Variants in ZNF827 observed in about 807,000 individuals in gnomAD.
ZNF827 encodes zinc finger protein 827.
In ZNF827, 13 loss-of-function variants were observed where a neutral mutation model predicts 102.4. The observed-to-expected ratio is 0.13, with a 90% CI of 0.08 to 0.20. ZNF827 has a LOEUF of 0.20. Among genes scored for constraint, ZNF827 ranks in the 10% least tolerant of loss-of-function variants. The pLI is 1.00. For synonymous variants in ZNF827, 523 were observed against 536.2 expected (o/e 0.98, Z 0.34); for missense variants, 1,103 against 1,344.4 (o/e 0.82, Z 2.81).
intron 5 of ZNF827, among the ~76,000 whole-genome samples, chr4:145,853,974 T>C (rs1178267091): frequency 6.7e-6 from 1 of 149,814 alleles, no homozygotes; most frequent in Non-Finnish European, 1.5e-5. Context: ...AAGTCTCAAT[T>C]AAAAAAAAAT....
At chr4:145,770,665 G>C (rs1223689641) in intron 11 of ZNF827, among the ~76,000 whole-genome samples, 1 of 151,828 alleles carries the variant, frequency 6.6e-6, no homozygotes, top group Non-Finnish European at 1.5e-5. Context: ...TACAGAGTTG[G>C]CTCTCAAAAA....
At chr4:145,914,391 A>AT (rs1415553513) in intron 1 of ZNF827, among the ~76,000 whole-genome samples, 3 of 152,152 alleles carry the variant, frequency 2.0e-5, no homozygotes, top group Admixed American at 2.0e-4. Flanking sequence ...GTATGAGAAT[A>AT]TTTTTTATCA....
chr4:145,815,789 A>G (rs1742543632), intron 8 of ZNF827, among the ~76,000 whole-genome samples: 1 of 152,212 alleles, frequency 6.6e-6, no homozygotes, highest in Admixed American at 6.5e-5. Flanking sequence ...ACTCTCCATC[A>G]TCCATTACAC....
chr4:145,761,367 G>A lies in ZNF827; in HGVS notation c.*249C>T, dbSNP rs1302652089. On this transcript the variant is annotated 3_prime_UTR_variant, in exon 15 of 15. Transcript: ENST00000508784. The surrounding 1 kb of genome is among the most constrained non-coding windows in gnomAD (Gnocchi z 6.8). ...GGTCACAGTGGAAGGGCCGCTCCCC[G>A]GTGTGGACGCGCACGTGCTCGATGA... 1.3e-5 allele frequency: 17 copies of A among 1,289,830 alleles called. No individual in the cohort carries two copies. Among genetic ancestry groups the A allele is most frequent in the South Asian group, 7.4e-5 (6 of 81,056 alleles). 79.9% of individuals were successfully genotyped at this position (1,289,830 alleles called of 1,614,324 possible). A position where few individuals can be genotyped will look rare whatever the true frequency, so the allele number is the denominator to read the frequency against.
rs116015291 is a variant in ZNF827 at position 145,847,688 on chromosome 4, G to A, written c.2221+1634C>T. On this transcript the variant is annotated intron_variant, in intron 6 of 14. Transcript: ENST00000508784. ...TCAAATGTGAGGACCCTACACTGAC[G>A]GTCACAGCTGTCAATGGCTTCTTTT... Among the ~76,000 whole-genome samples, 429 of 152,284 alleles carry A rather than the reference G, an allele frequency of 2.8e-3. 1 individual carries two copies. Among genetic ancestry groups the A allele is most frequent in the African/African-American group, 9.8e-3 (407 of 41,546 alleles).
At chr4:145,788,102 A>G (rs1739154313) in intron 8 of ZNF827, among the ~76,000 whole-genome samples, 1 of 152,212 alleles carries the variant, frequency 6.6e-6, no homozygotes, top group Non-Finnish European at 1.5e-5. Flanking sequence ...TATGAAATCA[A>G]TGCTAACTGC....
intron 1 of ZNF827, among the ~76,000 whole-genome samples, chr4:145,937,774 G>C (rs1754324350): frequency 6.7e-6 from 1 of 148,892 alleles, no homozygotes; most frequent in Non-Finnish European, 1.5e-5. Context: ...GGCGGCTCGG[G>C]GGCCGACCAA....
intron 1 of ZNF827, among the ~76,000 whole-genome samples, chr4:145,910,643 T>G (rs1453251697): frequency 6.6e-6 from 1 of 152,170 alleles, no homozygotes; most frequent in Non-Finnish European, 1.5e-5. Context: ...CTTGCTCCAT[T>G]ATTCTCAACC....
rs1033860120 is a variant in ZNF827, at chr4:145,777,996, A to T, written c.2521+1378T>A. Among the ~76,000 whole-genome samples the T allele has an allele frequency of 3.9e-5, 6 of 152,274 alleles. No homozygotes were observed. In the East Asian group the frequency reaches 1.2e-3, roughly 29 times the overall value. ...AAGTATGCTCAGAGAATGTGACCTTATAAAACTCCACTTTTTTGAACATGT... is the reference window on the plus strand; with the variant it reads ...AAGTATGCTCAGAGAATGTGACCTTTTAAAACTCCACTTTTTTGAACATGT... On this transcript the variant is annotated intron_variant, in intron 9 of 14. Coordinates refer to ENST00000508784, the MANE Select transcript of ZNF827 (RefSeq NM_001306215.2).
chr4:145,848,259 C>T (rs1044447849), intron 6 of ZNF827, among the ~76,000 whole-genome samples: 6 of 152,134 alleles, frequency 3.9e-5, no homozygotes, highest in South Asian at 2.1e-4. Context: ...TTAGTGATTT[C>T]GGCTACTGCA....
chr4:145,891,045 A>C (rs892598848), intron 3 of ZNF827, among the ~76,000 whole-genome samples: 9 of 152,264 alleles, frequency 5.9e-5, no homozygotes, highest in Non-Finnish European at 1.3e-4. Context: ...CAAATAAGCA[A>C]ATACCTTAAT....
chr4:145,778,962 A>G lies in ZNF827; in HGVS notation c.2521+412T>C, dbSNP rs529971452. On this transcript the variant is annotated intron_variant, in intron 9 of 14. Transcript: ENST00000508784. ...TCAGAACCAACCATATTTCTCCACA[A>G]TTATACATAAATAAAGGCAGAAGCT... 2.0e-5 allele frequency among the ~76,000 whole-genome samples: 3 copies of G among 152,270 alleles called. No homozygotes were observed. In the East Asian group the frequency reaches 5.8e-4, roughly 29 times the overall value.
chr4:145,764,103 T>C (rs918141608), intron 13 of ZNF827, among the ~76,000 whole-genome samples: 1 of 152,184 alleles, frequency 6.6e-6, no homozygotes, highest in African/African-American at 2.4e-5. Context: ...AAAGGTTTTT[T>C]CCCCCTTGTG....
chr4:145,901,850 C>A (rs1352924340), intron 2 of ZNF827, among the ~76,000 whole-genome samples: 1 of 151,924 alleles, frequency 6.6e-6, no homozygotes, highest in Non-Finnish European at 1.5e-5. Context: ...TTGATCTTCT[C>A]CCATTAAATA....
At chr4:145,856,995 A>G (rs1276192959) in intron 5 of ZNF827, among the ~76,000 whole-genome samples, 1 of 152,144 alleles carries the variant, frequency 6.6e-6, no homozygotes, top group African/African-American at 2.4e-5. Context: ...GCACACACAC[A>G]CACACACACA....
At chr4:145,911,130 T>C (rs372294315) in intron 1 of ZNF827, among the ~76,000 whole-genome samples, 4 of 152,190 alleles carry the variant, frequency 2.6e-5, no homozygotes, top group South Asian at 2.1e-4. Flanking sequence ...GAGTCAAACA[T>C]GGAACAGGGA....
At chr4:145,872,605 G>A (rs559537601) in intron 4 of ZNF827, among the ~76,000 whole-genome samples, 24 of 152,238 alleles carry the variant, frequency 1.6e-4, no homozygotes, top group African/African-American at 4.6e-4. Flanking sequence ...GGCTGGGTGC[G>A]GTGGCTCATG....
chr4:145,869,478 G>C (rs1208049455), intron 5 of ZNF827, among the ~76,000 whole-genome samples: 8 of 152,134 alleles, frequency 5.3e-5, no homozygotes, highest in African/African-American at 1.9e-4. Context: ...AACTAAGGAT[G>C]GGATATGACT....
chr4:145,844,677 CAAATAAATAAATAAATAAATAAATAAAT>C (rs72118300), intron 7 of ZNF827, among the ~76,000 whole-genome samples: 6 of 128,474 alleles, frequency 4.7e-5, no homozygotes, highest in South Asian at 2.9e-4. Context: ...GAGACTGTCT[CAAATAAATAAATAAATAAATAAATAAAT>C]AAATAAATAA....
Sources: gnomAD v4.1 joint callset for allele counts (sites outside exome capture counted in the v4.1 genomes callset) on GRCh38, gnomAD v4.1.1 for gene constraint, Gnocchi (gnomAD v3.1) non-coding constraint, MANE v1.5 for transcripts, NCBI Gene and HGNC (gene_info 2026-07-23, HGNC 2026-07-21) for gene names.